TNKS2: variants seen among roughly 807,000 people sequenced by gnomAD.
TNKS2 encodes the protein tankyrase 2, also known as poly [ADP-ribose] polymerase tankyrase-2.
Under a neutral mutation model 137.6 loss-of-function variants are expected in TNKS2, and 72 were observed. The observed-to-expected ratio is 0.52, with a 90% CI of 0.43 to 0.64. The LOEUF (loss-of-function observed/expected upper bound fraction) is 0.64, where lower values mean the gene tolerates loss of function less well. Ranked by LOEUF, TNKS2 falls within the 30% of genes least tolerant of loss-of-function variation. TNKS2 has a pLI of 0.00. For missense variants in TNKS2, 1,049 were observed against 1,410.2 expected (o/e 0.74, Z 4.10); for synonymous variants, 516 against 512.1 (o/e 1.01, Z -0.10).
chr10:91,860,881 T>G (rs1268674129), intron 25 of TNKS2, among the ~76,000 whole-genome samples: 1 of 152,186 alleles, frequency 6.6e-6, no homozygotes, highest in Non-Finnish European at 1.5e-5. Flanking sequence ...TTCCTGTAAA[T>G]TGAACACTGC....
At chr10:91,829,076 G>A (rs1458491062) in intron 9 of TNKS2, among the ~76,000 whole-genome samples, 1 of 152,102 alleles carries the variant, frequency 6.6e-6, no homozygotes, top group East Asian at 1.9e-4. Flanking sequence ...ATCCTGTTGC[G>A]TGAGTTGCAG....
At chr10:91,810,490 T>A (rs985461152) in intron 1 of TNKS2, among the ~76,000 whole-genome samples, 1 of 151,552 alleles carries the variant, frequency 6.6e-6, no homozygotes. Context: ...ACTCCTTTCA[T>A]TGTTGTTGTT....
chr10:91,835,592 C>CTTTT (rs35247985), intron 12 of TNKS2, among the ~76,000 whole-genome samples: 32 of 109,366 alleles, frequency 2.9e-4, no homozygotes, highest in Non-Finnish European at 4.2e-4. Context: ...CCCGGCCTTT[C>CTTTT]TTTTTTTTTT....
intron 13 of TNKS2, among the ~76,000 whole-genome samples, chr10:91,840,339 C>CA (rs1326797785): frequency 6.7e-6 from 1 of 149,836 alleles, no homozygotes; most frequent in African/African-American, 2.5e-5. Flanking sequence ...GACTCTGTCT[C>CA]AAAAAAATAA....
At chr10:91,841,210 C>T (rs1842202182) in intron 14 of TNKS2, 73 bp from the exon 15 acceptor site, 1 of 1,242,618 alleles carries the variant, frequency 8.0e-7, no homozygotes, top group Non-Finnish European at 1.1e-6. Context: ...AATTATCTTT[C>T]ATCAGTTATA....
At chr10:91,828,706 G>A (rs997167413) in intron 9 of TNKS2, among the ~76,000 whole-genome samples, 1 of 152,090 alleles carries the variant, frequency 6.6e-6, no homozygotes, top group Non-Finnish European at 1.5e-5. Flanking sequence ...CTTTTTAGGG[G>A]TTATAAAAAT....
At chr10:91,802,198 T>A (rs1844193049) in intron 1 of TNKS2, among the ~76,000 whole-genome samples, 1 of 152,202 alleles carries the variant, frequency 6.6e-6, no homozygotes, top group Admixed American at 6.5e-5. Flanking sequence ...TTATATTCAA[T>A]TGTGTGAATC....
intron 13 of TNKS2, among the ~76,000 whole-genome samples, chr10:91,837,396 A>G (rs1310706240): frequency 1.3e-5 from 2 of 152,174 alleles, no homozygotes; most frequent in Non-Finnish European, 2.9e-5. Context: ...TGATTTCTTC[A>G]TTTCTTCACC....
At chr10:91,816,967 T>C (rs950107911) in intron 2 of TNKS2, among the ~76,000 whole-genome samples, 167 bp from the exon 3 acceptor site, 2 of 152,234 alleles carry the variant, frequency 1.3e-5, no homozygotes, top group African/African-American at 4.8e-5. Context: ...GAATACTTTA[T>C]GTATTATTTT....
intron 1 of TNKS2, chr10:91,807,513 G>A: frequency 7.3e-7 from 1 of 1,374,776 alleles, no homozygotes; most frequent in Non-Finnish European, 1.0e-6. Context: ...ACGTCCGGGA[G>A]TCGCCAACCG....
intron 25 of TNKS2, 105 bp from the exon 26 acceptor site, chr10:91,861,894 T>G: frequency 1.0e-6 from 1 of 976,910 alleles, no homozygotes; most frequent in Non-Finnish European, 1.5e-6. Context: ...CAATTATAAG[T>G]ATTTATGTAT....
At chr10:91,851,166 T>C (rs764705957) in intron 20 of TNKS2, 50 bp from the exon 21 acceptor site, 2 of 1,601,340 alleles carry the variant, frequency 1.2e-6, no homozygotes, top group South Asian at 2.3e-5. Context: ...AATATATGAA[T>C]GTCCACCAAA....
chr10:91,803,382 G>T (rs1278775451), intron 1 of TNKS2, among the ~76,000 whole-genome samples: 1 of 151,896 alleles, frequency 6.6e-6, no homozygotes, highest in Non-Finnish European at 1.5e-5. Context: ...GGGCATGGTG[G>T]CACAGAACTG....
At chr10:91,809,274 G>A (rs1844422871) in intron 1 of TNKS2, among the ~76,000 whole-genome samples, 1 of 152,226 alleles carries the variant, frequency 6.6e-6, no homozygotes, top group Non-Finnish European at 1.5e-5. Flanking sequence ...TGGGAATAGG[G>A]GTGGGAGGAA....
chr10:91,805,083 A>T (rs1379590550), intron 1 of TNKS2, among the ~76,000 whole-genome samples: 1 of 149,610 alleles, frequency 6.7e-6, no homozygotes, highest in Non-Finnish European at 1.5e-5. Flanking sequence ...CTTCAATCTA[A>T]AGATTTCGCC....
At chr10:91,811,937 G>A (rs1844521629) in intron 1 of TNKS2, among the ~76,000 whole-genome samples, 1 of 152,050 alleles carries the variant, frequency 6.6e-6, no homozygotes, top group African/African-American at 2.4e-5. Flanking sequence ...GCGGGTGCCT[G>A]TAGTCCCAGC....
rs758157918 is a variant in TNKS2 at position 91,819,552 on chromosome 10, A to G, written c.628A>G (p.Arg210Gly). Residue 210 changes from arginine to glycine, a missense_variant, in exon 5 of 27, where the codon AGA becomes GGA. By Grantham distance (125) the Arg-to-Gly change is moderately radical. This residue lies in a region of TNKS2 where 374 missense variants were observed against 460.8 expected (regional missense o/e 0.81). Transcript: ENST00000371627. ...TGTCAACTGCCACGCAAGTGATGGC[A>G]GAAAGGTACTTCCTTTTGCAACTGA... ...LNVNCHASDG[R>G]KSTPLHLAAG... is the part of the protein sequence containing the mutation. The G allele has an allele frequency of 6.3e-7, 1 of 1,589,634 alleles. No individual in the cohort carries two copies. The highest frequency in any genetic ancestry group is 8.5e-7 in the Non-Finnish European group (1 of 1,173,292).
At chr10:91,803,893 T>G (rs1163442312) in intron 1 of TNKS2, among the ~76,000 whole-genome samples, 1 of 152,200 alleles carries the variant, frequency 6.6e-6, no homozygotes, top group Admixed American at 6.5e-5. Context: ...TATCAGTGAT[T>G]AATCCCACCT....
At chr10:91,816,590 A>G (rs1844706263) in intron 2 of TNKS2, among the ~76,000 whole-genome samples, 1 of 152,226 alleles carries the variant, frequency 6.6e-6, no homozygotes, top group Admixed American at 6.5e-5. Flanking sequence ...AAGAATAGAA[A>G]GATAATGACT....
Sources: allele counts gnomAD v4.1 joint callset (sites outside exome capture counted in the v4.1 genomes callset), GRCh38; gene constraint gnomAD v4.1.1; regional missense constraint gnomAD v4.1.1; transcripts MANE v1.5; gene names NCBI Gene and HGNC (gene_info 2026-07-23, HGNC 2026-07-21).